Variants in FHIT observed in about 807,000 individuals in gnomAD.
FHIT encodes bis(5'-adenosyl)-triphosphatase.
In FHIT, 19 loss-of-function variants were observed where a neutral mutation model predicts 17.9. The observed-to-expected ratio is 1.06, with a 90% CI of 0.74 to 1.56. The LOEUF (loss-of-function observed/expected upper bound fraction) is 1.56. Among genes scored for constraint, FHIT ranks in the 40% most tolerant of loss-of-function variants. FHIT has a pLI of 0.00. For synonymous variants in FHIT, 81 were observed against 69.7 expected, an observed-to-expected ratio of 1.16 and a Z score of -0.81; for missense variants, 248 against 189.2, an observed-to-expected ratio of 1.31 and a Z score of -1.82.
intron 3 of FHIT, among the ~76,000 whole-genome samples, chr3:60,866,082 C>T (rs1272019151): frequency 1.3e-5 from 2 of 152,088 alleles, no homozygotes; most frequent in Non-Finnish European, 2.9e-5. Flanking sequence ...CCAAAGGCTC[C>T]AAACTCCTGC....
chr3:59,847,224 T>G (rs1032050307), intron 8 of FHIT, among the ~76,000 whole-genome samples: 1 of 152,164 alleles, frequency 6.6e-6, no homozygotes, highest in African/African-American at 2.4e-5. Context: ...ATACGTTGGT[T>G]CACTTGATGG....
chr3:60,357,079 C>G (rs1384166645), intron 5 of FHIT, among the ~76,000 whole-genome samples: 1 of 152,132 alleles, frequency 6.6e-6, no homozygotes. Context: ...TCCTTGAGAT[C>G]TTCTGGTCCA....
At chr3:59,989,128 A>C (rs1285086517) in intron 7 of FHIT, among the ~76,000 whole-genome samples, 1 of 151,968 alleles carries the variant, frequency 6.6e-6, no homozygotes, top group Non-Finnish European at 1.5e-5. Context: ...AAATAGATGA[A>C]CAGTGATTTT....
intron 5 of FHIT, among the ~76,000 whole-genome samples, chr3:60,183,265 G>T (rs1260780965): frequency 6.6e-6 from 1 of 152,034 alleles, no homozygotes; most frequent in Non-Finnish European, 1.5e-5. Flanking sequence ...AGGTGTGGTG[G>T]TGCATGCCTG....
chr3:60,835,678 CACAA>C (rs1320046299), intron 3 of FHIT, among the ~76,000 whole-genome samples: 1 of 152,154 alleles, frequency 6.6e-6, no homozygotes, highest in Admixed American at 6.5e-5. Context: ...CAGGTATTGG[CACAA>C]ACACAACCTT....
chr3:60,344,867 A>AT (rs34816113), intron 5 of FHIT, among the ~76,000 whole-genome samples: 24,289 of 152,024 alleles, frequency 0.16, 2,047 homozygotes, highest in African/African-American at 0.19. Context: ...ACATTTTAAG[A>AT]TTTTTTCTTT....
chr3:60,134,883 C>A (rs1223371284), intron 5 of FHIT, among the ~76,000 whole-genome samples: 1 of 151,954 alleles, frequency 6.6e-6, no homozygotes, highest in South Asian at 2.1e-4. Flanking sequence ...ATTACCACCT[C>A]CAGCAGAGTC....
At chr3:59,883,448 A>T (rs138437735) in intron 8 of FHIT, among the ~76,000 whole-genome samples, 1 of 152,322 alleles carries the variant, frequency 6.6e-6, no homozygotes, top group East Asian at 1.9e-4. Context: ...AGAGAATGAG[A>T]ACGAAGTGCA....
chr3:61,178,715 T>C (rs2038232119), intron 2 of FHIT, among the ~76,000 whole-genome samples: 2 of 152,062 alleles, frequency 1.3e-5, no homozygotes, highest in Non-Finnish European at 2.9e-5. Flanking sequence ...GGAGTACATT[T>C]CTAAGATGAC....
chr3:60,063,797 TGCCCA>T, intron 5 of FHIT, among the ~76,000 whole-genome samples: 1 of 152,184 alleles, frequency 6.6e-6, no homozygotes, highest in Non-Finnish European at 1.5e-5. Flanking sequence ...TTTGTAGTAT[TGCCCA>T]TAAAAACAAA....
intron 5 of FHIT, among the ~76,000 whole-genome samples, chr3:60,488,069 G>C (rs1314707984): frequency 2.6e-5 from 4 of 152,140 alleles, no homozygotes; most frequent in Non-Finnish European, 5.9e-5. Context: ...GGCTAAAAAA[G>C]AAAATCCTGA....
rs550048000 is a variant in FHIT at position 59,955,801 on chromosome 3, G to A, written c.280-33387C>T. Among the ~76,000 whole-genome samples the A allele has an allele frequency of 1.5e-3, 234 of 152,168 alleles. 1 individual carries two copies. Among genetic ancestry groups the A allele is most frequent in the African/African-American group, 5.2e-3 (217 of 41,518 alleles). ...TTCATTTGTGATATATATGTTAACC[G>A]TATACGTTTTTCTTTATTTCTACCA... On this transcript the variant is annotated intron_variant, in intron 7 of 9. Transcript: ENST00000492590.
intron 5 of FHIT, among the ~76,000 whole-genome samples, chr3:60,058,830 G>A (rs950336542): frequency 2.0e-5 from 3 of 152,144 alleles, no homozygotes; most frequent in African/African-American, 7.2e-5. Context: ...ATGAGACATC[G>A]AAATGTTGGA....
chr3:61,075,142 GA>G lies in FHIT; in HGVS notation c.-163-33044del, dbSNP rs558279499. On this transcript the variant is annotated intron_variant, in intron 2 of 9. Transcript: ENST00000492590. ...TAGCCCCTGGCTAAACTCCTTTTGG[GA>G]AAAATAGGCACAACAGGAAGATGCC... 5.4e-4 allele frequency among the ~76,000 whole-genome samples: 82 copies of G among 152,178 alleles called. 1 individual carries two copies. The highest frequency in any genetic ancestry group is 1.9e-3 in the African/African-American group (77 of 41,502).
intron 5 of FHIT, among the ~76,000 whole-genome samples, chr3:60,166,592 C>T (rs1033909644): frequency 2.6e-5 from 4 of 152,150 alleles, no homozygotes; most frequent in African/African-American, 9.7e-5. Flanking sequence ...CTTAAGGCTA[C>T]ACAAAGATTA....
chr3:59,823,442 A>G (rs1163806187), intron 8 of FHIT, among the ~76,000 whole-genome samples: 2 of 152,168 alleles, frequency 1.3e-5, no homozygotes, highest in Admixed American at 6.5e-5. Flanking sequence ...CAGATGCAAA[A>G]TCCTTAAGAA....
chr3:60,032,852 T>A (rs1425121343), intron 5 of FHIT, among the ~76,000 whole-genome samples: 1 of 152,198 alleles, frequency 6.6e-6, no homozygotes, highest in East Asian at 1.9e-4. Context: ...AATTTCTAAT[T>A]TTACTTAAGT....
intron 7 of FHIT, among the ~76,000 whole-genome samples, chr3:59,994,905 G>T (rs1699442714): frequency 6.6e-6 from 1 of 152,074 alleles, no homozygotes; most frequent in Non-Finnish European, 1.5e-5. Flanking sequence ...CTGCCTGGAA[G>T]CCCTGTCTGC....
chr3:59,898,162 C>G (rs1704157694), intron 8 of FHIT, among the ~76,000 whole-genome samples: 1 of 152,158 alleles, frequency 6.6e-6, no homozygotes, highest in South Asian at 2.1e-4. Context: ...GCAGTTAAAA[C>G]TCTGTTTCAT....
Sources: gnomAD v4.1 joint callset for allele counts (sites outside exome capture counted in the v4.1 genomes callset) on GRCh38, gnomAD v4.1.1 for gene constraint, MANE v1.5 for transcripts, NCBI Gene and HGNC (gene_info 2026-07-23, HGNC 2026-07-21) for gene names.